Variants in JAM2 observed in about 807,000 individuals in gnomAD.
JAM2 encodes junctional adhesion molecule B.
In JAM2, 17 loss-of-function variants were observed where a neutral mutation model predicts 42.0. That is an observed-to-expected ratio of 0.40 (90% confidence interval 0.28 to 0.61). The LOEUF (loss-of-function observed/expected upper bound fraction) is 0.61. Among genes scored for constraint, JAM2 ranks in the 20% least tolerant of loss-of-function variants. The pLI is 0.37. For missense variants in JAM2, 319 were observed against 358.3 expected, an observed-to-expected ratio of 0.89 and a Z score of 0.89; for synonymous variants, 118 against 128.6, an observed-to-expected ratio of 0.92 and a Z score of 0.56.
At chr21:25,647,604 C>G (rs1457821026) in intron 1 of JAM2, among the ~76,000 whole-genome samples, 1 of 152,122 alleles carries the variant, frequency 6.6e-6, no homozygotes, top group Non-Finnish European at 1.5e-5. Context: ...TATTTTCTAA[C>G]TAGAACCACC....
chr21:25,714,561 T>C, intron 9 of JAM2, 79 bp from the exon 10 acceptor site: 4 of 900,456 alleles, frequency 4.4e-6, no homozygotes, highest in Non-Finnish European at 6.8e-6. Context: ...ACAATAAATA[T>C]AGCTTGATAT....
intron 1 of JAM2, among the ~76,000 whole-genome samples, chr21:25,656,417 G>A (rs2032941337): frequency 6.6e-6 from 1 of 152,166 alleles, no homozygotes; most frequent in South Asian, 2.1e-4. Flanking sequence ...TAATAACTTA[G>A]TATCAAGCTT....
At chr21:25,712,290 G>T (rs759372697) in intron 8 of JAM2, 50 bp from the exon 9 acceptor site, 1 of 1,230,596 alleles carries the variant, frequency 8.1e-7, no homozygotes, top group African/African-American at 1.5e-5. Context: ...ATATGTTCCA[G>T]ATTGGAAGTG....
chr21:25,663,180 T>G (rs1190391624), intron 1 of JAM2, among the ~76,000 whole-genome samples: 2 of 152,036 alleles, frequency 1.3e-5, no homozygotes, highest in Non-Finnish European at 2.9e-5. Context: ...GCCTTGAACA[T>G]AGGGTTTGTA....
At chr21:25,711,171 T>C (rs554150183) in intron 8 of JAM2, among the ~76,000 whole-genome samples, 1 of 152,300 alleles carries the variant, frequency 6.6e-6, no homozygotes, top group East Asian at 1.9e-4. Context: ...TTGGAGTGTT[T>C]GGAATTTTAA....
At chr21:25,682,379 C>A (rs2123366748) in intron 1 of JAM2, among the ~76,000 whole-genome samples, 1 of 152,284 alleles carries the variant, frequency 6.6e-6, no homozygotes, top group East Asian at 1.9e-4. Context: ...GCCTACCACA[C>A]CAGGTTATTT....
In JAM2 at chr21:25,678,360, A is replaced by T. The variant is rs567000795; in HGVS notation, c.68-5523A>T. On this transcript the variant is annotated intron_variant, in intron 1 of 9. Transcript: ENST00000480456. ...CTTCCTCTGCTCTCTGAAGATTCAG[A>T]CTCTATCTTTGGAGTCTATAACATG... is the stretch of plus-strand genomic sequence containing the variant. Among the ~76,000 whole-genome samples the T allele has an allele frequency of 1.6e-4, 24 of 152,198 alleles. 2 individuals are homozygous for T. In the South Asian group the frequency reaches 4.8e-3, roughly 30 times the overall value.
chr21:25,693,955 C>T (rs761027468), intron 4 of JAM2, 47 bp downstream of exon 4: 1 of 1,585,026 alleles, frequency 6.3e-7, no homozygotes, highest in South Asian at 1.1e-5. Flanking sequence ...TCCTTCTCCA[C>T]CACCCAGCCC....
chr21:25,702,145 A>G, intron 5 of JAM2, 25 bp from the exon 6 acceptor site: 1 of 1,313,914 alleles, frequency 7.6e-7, no homozygotes, highest in Admixed American at 1.7e-5. Flanking sequence ...GGCTTAAAAA[A>G]ATATATTTTT....
chr21:25,648,450 T>TTGTGTGTGTGTG lies in JAM2; in HGVS notation c.67+8578_67+8589dup, dbSNP rs61479815. 1.2e-3 allele frequency among the ~76,000 whole-genome samples: 183 copies of TTGTGTGTGTGTG among 148,482 alleles called. 3 individuals are homozygous for TTGTGTGTGTGTG. The highest frequency in any genetic ancestry group is 6.5e-3 in the East Asian group (33 of 5,076). On this transcript the variant is annotated intron_variant, in intron 1 of 9. Transcript: ENST00000480456. ...AGTCAGGTTCTTTTGTGCCGTGTGT[T>TTGTGTGTGTGTG]TGTGTGTGTGTGTGTGTGTGTGTGT...
chr21:25,663,305 T>C (rs968181519), intron 1 of JAM2, among the ~76,000 whole-genome samples: 5 of 152,154 alleles, frequency 3.3e-5, no homozygotes, highest in African/African-American at 4.8e-5. Context: ...AAGCTAAATA[T>C]CAGATAGTAT....
intron 7 of JAM2, among the ~76,000 whole-genome samples, chr21:25,708,628 C>T (rs2034319997): frequency 6.6e-6 from 1 of 152,078 alleles, no homozygotes; most frequent in Non-Finnish European, 1.5e-5. Flanking sequence ...TCAATTTAGC[C>T]CACTTTAATG....
At chr21:25,690,034 T>A in intron 3 of JAM2, 61 bp downstream of exon 3, 1 of 1,021,400 alleles carries the variant, frequency 9.8e-7, no homozygotes, top group Non-Finnish European at 1.5e-6. Context: ...ACCAGGATCC[T>A]TTAATTGGCA....
chr21:25,679,179 A>G (rs1160269590), intron 1 of JAM2, among the ~76,000 whole-genome samples: 3 of 152,366 alleles, frequency 2.0e-5, no homozygotes, highest in African/African-American at 7.2e-5. Flanking sequence ...ATCTAGCACA[A>G]TGGAAGACTA....
At chr21:25,711,422 T>C (rs1177678893) in intron 8 of JAM2, 3 of 456,240 alleles carry the variant, frequency 6.6e-6, no homozygotes, top group Middle Eastern at 3.3e-4. Flanking sequence ...GATGACAAAC[T>C]ATCTGAGGCT....
chr21:25,713,796 C>T (rs909785804), intron 9 of JAM2, among the ~76,000 whole-genome samples: 3 of 152,210 alleles, frequency 2.0e-5, no homozygotes, highest in African/African-American at 7.2e-5. Context: ...ACAGAAAGTA[C>T]TCTTGGAGTG....
chr21:25,690,322 C>T (rs2033851018), intron 3 of JAM2, among the ~76,000 whole-genome samples: 1 of 150,466 alleles, frequency 6.6e-6, no homozygotes, highest in African/African-American at 2.5e-5. Context: ...TCCTTCCTTC[C>T]TTCCCTTTCT....
At chr21:25,651,937 A>C (rs75943925) in intron 1 of JAM2, among the ~76,000 whole-genome samples, 2,847 of 152,338 alleles carry the variant, frequency 0.019, 91 homozygotes, top group African/African-American at 0.066. Context: ...AACTAATGAA[A>C]CTATTAACAA....
At chr21:25,682,793 G>C (rs2123367452) in intron 1 of JAM2, among the ~76,000 whole-genome samples, 1 of 152,262 alleles carries the variant, frequency 6.6e-6, no homozygotes, top group Admixed American at 6.5e-5. Context: ...AGGATGGATG[G>C]GGAGCTGGAA....
Sources: gnomAD v4.1 joint callset for allele counts (sites outside exome capture counted in the v4.1 genomes callset) on GRCh38, gnomAD v4.1.1 for gene constraint, MANE v1.5 for transcripts, NCBI Gene and HGNC (gene_info 2026-07-23, HGNC 2026-07-21) for gene names.